MICB: variants seen among roughly 807,000 people sequenced by gnomAD.
MICB encodes the protein MHC class I polypeptide-related sequence B.
MICB carries 27 observed loss-of-function variants against 34.3 expected under a neutral mutation model. The observed-to-expected ratio is 0.79, with a 90% confidence interval of 0.58 to 1.08. The LOEUF (loss-of-function observed/expected upper bound fraction) is 1.08. MICB is among the 50% of genes least tolerant of loss of function. The pLI, the probability that MICB is intolerant of heterozygous loss-of-function variation, is 0.00. For synonymous variants in MICB, 153 were observed against 187.4 expected, an observed-to-expected ratio of 0.82 and a Z score of 1.50; for missense variants, 426 against 483.1, an observed-to-expected ratio of 0.88 and a Z score of 1.11.
chr6:31,501,083 C>T (rs1045525470), intron 1 of MICB, among the ~76,000 whole-genome samples: 2 of 134,186 alleles, frequency 1.5e-5, no homozygotes, highest in South Asian at 3.7e-4. Flanking sequence ...GCTACATCCT[C>T]GCCAGGATTC....
rs1765610099 is a variant in MICB at position 31,510,455 on chromosome 6, C to T, written c.*546C>T. ...TCTTTTGTCTTTCTCTTTATTCCCA[C>T]GTTCGCCCTTTGTTCAGTCCAATAC... On this transcript the variant is annotated 3_prime_UTR_variant, in exon 6 of 6. Coordinates refer to ENST00000252229, the MANE Select transcript of MICB (RefSeq NM_005931.5). 1 of 152,328 alleles carries T rather than the reference C, an allele frequency of 6.6e-6. No individual in the cohort carries two copies. The highest frequency in any genetic ancestry group is 2.4e-5 in the African/African-American group (1 of 41,430). 9.4% of individuals were successfully genotyped at this position (152,328 alleles called of 1,614,324 possible). A position where few individuals can be genotyped will look rare whatever the true frequency, so the allele number is the denominator to read the frequency against.
chr6:31,498,037 C>A, upstream of MICB: 1 of 431,952 alleles, frequency 2.3e-6, no homozygotes, highest in East Asian at 6.9e-5. Flanking sequence ...GCCCCGCCCT[C>A]TCCACTCATG....
At chr6:31,504,286 GTC>G (rs1765175960) in intron 1 of MICB, among the ~76,000 whole-genome samples, 1 of 95,828 alleles carries the variant, frequency 1.0e-5, no homozygotes, top group Admixed American at 1.3e-4. Flanking sequence ...TTGAGATGGA[GTC>G]TTGCTCTGTT....
intron 5 of MICB, 61 bp from the exon 6 acceptor site, chr6:31,509,721 C>A: frequency 6.7e-7 from 1 of 1,488,320 alleles, no homozygotes; most frequent in South Asian, 1.4e-5. Flanking sequence ...GAGAAAAGTC[C>A]TTAGGGAATA....
intron 1 of MICB, among the ~76,000 whole-genome samples, chr6:31,499,884 G>C (rs1292833959): frequency 6.6e-6 from 1 of 151,992 alleles, no homozygotes; most frequent in Non-Finnish European, 1.5e-5. Flanking sequence ...TGGGAAAGTG[G>C]GAGTGCTGGA....
At chr6:31,506,996 C>T in intron 3 of MICB, 26 bp from the exon 4 acceptor site, 1 of 1,602,208 alleles carries the variant, frequency 6.2e-7, no homozygotes, top group Non-Finnish European at 8.5e-7. Flanking sequence ...AGCAGGGCTT[C>T]ACTGGCTCTG....
chr6:31,507,440 A>G lies in MICB; in HGVS notation c.933A>G (p.Pro311=), dbSNP rs372919851. The G allele has an allele frequency of 2.9e-5, 47 of 1,613,956 alleles. No individual in the cohort carries two copies. Among genetic ancestry groups the G allele is most frequent in the Non-Finnish European group, 3.8e-5 (45 of 1,180,016 alleles). Residue 311 remains proline (P), a synonymous_variant, in exon 5 of 6, where the codon CCA becomes CCG. Coordinates refer to ENST00000252229, the MANE Select transcript of MICB (RefSeq NM_005931.5). The surrounding 1 kb of genome is among the most constrained non-coding windows in gnomAD (Gnocchi z 6.0). The part of the protein sequence containing the change: ...LVLQSQRTDF[P]YVSAAMPCFV... ...TTCAGAGTCAACGGACAGACTTTCC[A>G]TATGTTTCTGCTGCTATGCCATGTT...
chr6:31,505,804 C>T lies in MICB; in HGVS notation c.258C>T (p.Thr86=), dbSNP rs1366870975. 1.6e-5 allele frequency: 26 copies of T among 1,612,984 alleles called. No homozygotes were observed. The highest frequency in any genetic ancestry group is 4.0e-5 in the African/African-American group (3 of 74,876). ...VLGAKTWDTE[T]EDLTENGQDL... ...GAGCTAAGACCTGGGACACAGAGAC[C>T]GAGGACTTGACAGAGAATGGGCAAG... Residue 86 remains threonine (T), a synonymous_variant, in exon 2 of 6, where the codon ACC becomes ACT. Transcript: ENST00000252229.
Position 31,505,654 on chromosome 6 carries a change from C to T in MICB, c.108C>T (p.Ser36=), listed in dbSNP as rs775349365. The change falls in exon 2 of 6, where the codon TCC becomes TCT. Residue 36 remains serine, a synonymous_variant. Transcript: ENST00000252229. ...HSLRYNLMVL[S]QDGSVQSGFL... is the part of the protein sequence containing the mutation. ...TTCGTTACAACCTCATGGTGCTGTCCCAGGATGGATCTGTGCAGTCAGGGT... is the reference window on the plus strand; with the variant it reads ...TTCGTTACAACCTCATGGTGCTGTCTCAGGATGGATCTGTGCAGTCAGGGT... 8.7e-6 allele frequency: 14 copies of T among 1,612,692 alleles called. No individual in the cohort carries two copies. Among genetic ancestry groups the T allele is most frequent in the African/African-American group, 1.3e-5 (1 of 74,908 alleles).
intron 5 of MICB, among the ~76,000 whole-genome samples, chr6:31,508,834 AG>A (rs1765503803): frequency 6.6e-6 from 1 of 152,192 alleles, no homozygotes; most frequent in African/African-American, 2.4e-5. Flanking sequence ...GCTGTTGTAA[AG>A]CATATTAAAT....
At chr6:31,505,905 C>A in intron 2 of MICB, 34 bp downstream of exon 2, 1 of 1,560,250 alleles carries the variant, frequency 6.4e-7, no homozygotes. Flanking sequence ...TAATGGGAGG[C>A]CTTCTCCAGG....
intron 3 of MICB, 71 bp from the exon 4 acceptor site, chr6:31,506,951 G>A (rs1398485984): frequency 1.3e-6 from 2 of 1,563,758 alleles, no homozygotes; most frequent in Admixed American, 1.8e-5. Context: ...CAGTGGAGAG[G>A]AGCAGCCCTG....
At position 31,510,262 on chromosome 6, in the gene MICB, T is replaced by C. The variant is rs182283192; in HGVS notation, c.*353T>C. Reference sequence around the variant, plus strand: ...ATCTACTGGGTCATCTAGAGCCTATTGTTTGAGGAATGCAGTCTTACAAGC... The same window carrying C: ...ATCTACTGGGTCATCTAGAGCCTATCGTTTGAGGAATGCAGTCTTACAAGC... On this transcript the variant is annotated 3_prime_UTR_variant, in exon 6 of 6. Coordinates refer to ENST00000252229, the MANE Select transcript of MICB (RefSeq NM_005931.5). The C allele has an allele frequency of 2.8e-3, 509 of 180,534 alleles. 6 individuals carry two copies. Among genetic ancestry groups the C allele is most frequent in the Admixed American group, 7.3e-3 (118 of 16,250 alleles). 11.2% of individuals were successfully genotyped at this position (180,534 alleles called of 1,614,324 possible). A position where few individuals can be genotyped will look rare whatever the true frequency, so the allele number is the denominator to read the frequency against.
At chr6:31,503,836 T>C (rs1365747214) in intron 1 of MICB, among the ~76,000 whole-genome samples, 2 of 152,308 alleles carry the variant, frequency 1.3e-5, no homozygotes, top group Admixed American at 6.5e-5. Flanking sequence ...CGGTATTTCA[T>C]TTTTTAATTT....
chr6:31,498,446 CTTTTTTTTTTTTTTTTTTTTT>C lies in MICB; in HGVS notation c.70+200_70+220del, dbSNP rs9279321. Among the ~76,000 whole-genome samples, 22 of 89,306 alleles carry C rather than the reference CTTTTTTTTTTTTTTTTTTTTT, an allele frequency of 2.5e-4. No individual in the cohort carries two copies. In the East Asian group the frequency reaches 4.4e-3, roughly 18 times the overall value. The allele number at this position is 89,306 out of a possible 152,430, so 58.6% of individuals were successfully genotyped here. A position where few individuals can be genotyped will look rare whatever the true frequency, so the allele number is the denominator to read the frequency against. On this transcript the variant is annotated intron_variant, in intron 1 of 5. Transcript: ENST00000252229. Reference sequence around the variant, plus strand: ...AGCCCTGCTTTCCCATCTCCCGTCTCTTTTTTTTTTTTTTTTTTTTTTTTTTTTTTTTTTTTTCTTTCTGAG... The same window carrying C: ...AGCCCTGCTTTCCCATCTCCCGTCTCTTTTTTTTTTTTTTTTCTTTCTGAG...
At chr6:31,504,009 T>C (rs1387152209) in intron 1 of MICB, among the ~76,000 whole-genome samples, 2 of 143,270 alleles carry the variant, frequency 1.4e-5, no homozygotes, top group Non-Finnish European at 3.0e-5. Flanking sequence ...CCTGATTGGT[T>C]TGAAGTGGTA....
At position 31,507,045 on chromosome 6, in the gene MICB, T is replaced by A. The variant is rs267600953; in HGVS notation, c.637T>A (p.Cys213Ser). ...RTVPPMVNVT[C>S]SEVSEGNITV... ...AGTGCCCCCCATGGTGAATGTCACCTGCAGCGAGGTCTCAGAGGGCAACAT... is the reference window on the plus strand; with the variant it reads ...AGTGCCCCCCATGGTGAATGTCACCAGCAGCGAGGTCTCAGAGGGCAACAT... Residue 213 changes from cysteine (C) to serine (S), a missense_variant, in exon 4 of 6, where the codon TGC becomes AGC. Coordinates refer to ENST00000252229, the MANE Select transcript of MICB (RefSeq NM_005931.5). The surrounding 1 kb of genome is among the most constrained non-coding windows in gnomAD (Gnocchi z 6.0). 1.2e-6 allele frequency: 2 copies of A among 1,613,778 alleles called. No individual in the cohort carries two copies. The highest frequency in any genetic ancestry group is 2.7e-5 in the African/African-American group (2 of 75,034).
At chr6:31,495,351 G>A (rs9267352), upstream of MICB, among the ~76,000 whole-genome samples, 41,915 of 151,952 alleles carry the variant, frequency 0.28, 5,968 homozygotes, top group Admixed American at 0.34. Context: ...ACACCGTGGA[G>A]GGAAGGGCTT....
chr6:31,498,068 C>T, upstream of MICB: 1 of 614,422 alleles, frequency 1.6e-6, no homozygotes, highest in Non-Finnish European at 2.5e-6. Flanking sequence ...AGTTCCGGGC[C>T]TCAGTTTTCA....
Sources: allele counts gnomAD v4.1 joint callset (sites outside exome capture counted in the v4.1 genomes callset), GRCh38; gene constraint gnomAD v4.1.1; non-coding constraint Gnocchi (gnomAD v3.1); transcripts MANE v1.5; gene names NCBI Gene and HGNC (gene_info 2026-07-23, HGNC 2026-07-21).